GRID2: variants seen among roughly 807,000 people sequenced by gnomAD.
The protein encoded by GRID2 is glutamate receptor ionotropic, delta-2.
In GRID2, 33 loss-of-function variants were observed where a neutral mutation model predicts 114.8. The ratio of observed to expected loss-of-function variants is 0.29; its 90% confidence interval spans 0.22 to 0.38. The LOEUF (loss-of-function observed/expected upper bound fraction) is 0.38, where lower values mean the gene tolerates loss of function less well. Among genes scored for constraint, GRID2 ranks in the 10% least tolerant of loss-of-function variants. GRID2 has a pLI of 1.00. For missense variants in GRID2, 1,184 were observed against 1,257.7 expected (o/e 0.94, Z 0.89); for synonymous variants, 505 against 449.9 (o/e 1.12, Z -1.55).
intron 14 of GRID2, among the ~76,000 whole-genome samples, chr4:93,630,242 C>A (rs1743122184): frequency 6.6e-6 from 1 of 152,102 alleles, no homozygotes; most frequent in Admixed American, 6.6e-5. Flanking sequence ...GTAAGGCTTG[C>A]AGTGAATTCT....
intron 1 of GRID2, among the ~76,000 whole-genome samples, chr4:92,558,707 TTATC>T (rs1424085450): frequency 4.6e-5 from 7 of 152,152 alleles, no homozygotes; most frequent in Admixed American, 4.6e-4. Context: ...ACAGTTAGGG[TTATC>T]TATCTGTGAA....
chr4:92,555,247 C>G (rs1376117), intron 1 of GRID2, among the ~76,000 whole-genome samples: 1 of 151,808 alleles, frequency 6.6e-6, no homozygotes. Context: ...GAGAGTTATC[C>G]GCAGTTAGCA....
At chr4:93,678,131 T>C (rs148606284) in intron 14 of GRID2, among the ~76,000 whole-genome samples, 4,654 of 152,128 alleles carry the variant, frequency 0.031, 112 homozygotes, top group African/African-American at 0.062. Context: ...ATGAAGAATG[T>C]AGAAGCCTCA....
intron 4 of GRID2, among the ~76,000 whole-genome samples, chr4:93,170,547 TC>T (rs1297227745): frequency 6.6e-6 from 1 of 152,208 alleles, no homozygotes; most frequent in East Asian, 1.9e-4. Context: ...ACCAGACAGT[TC>T]CTGCTTCGCC....
At chr4:93,389,188 CAGTG>C (rs1297200612) in intron 8 of GRID2, among the ~76,000 whole-genome samples, 1 of 151,960 alleles carries the variant, frequency 6.6e-6, no homozygotes, top group Non-Finnish European at 1.5e-5. Flanking sequence ...ATAGGAAAGA[CAGTG>C]AGAATTTAAT....
At chr4:93,163,201 A>G (rs1484117680) in intron 4 of GRID2, among the ~76,000 whole-genome samples, 1 of 151,454 alleles carries the variant, frequency 6.6e-6, no homozygotes, top group Non-Finnish European at 1.5e-5. Flanking sequence ...TATACAAATT[A>G]TATGTGTATT....
chr4:92,794,907 C>CAT (rs1739787565), intron 2 of GRID2, among the ~76,000 whole-genome samples: 5 of 63,856 alleles, frequency 7.8e-5, no homozygotes, highest in African/African-American at 3.2e-4. Flanking sequence ...TATATATATA[C>CAT]ACACACACAC....
chr4:93,546,146 A>G (rs978739133), intron 13 of GRID2, among the ~76,000 whole-genome samples: 12 of 152,190 alleles, frequency 7.9e-5, no homozygotes, highest in African/African-American at 2.9e-4. Flanking sequence ...ATGAGAGCTC[A>G]AGGATTACTT....
chr4:93,104,855 T>C (rs1403787294), intron 3 of GRID2, among the ~76,000 whole-genome samples: 1 of 152,108 alleles, frequency 6.6e-6, no homozygotes, highest in Non-Finnish European at 1.5e-5. Flanking sequence ...ATGGTATTTC[T>C]AGTTCTAGAT....
intron 14 of GRID2, among the ~76,000 whole-genome samples, chr4:93,728,940 A>C (rs962516088): frequency 6.6e-6 from 1 of 152,202 alleles, no homozygotes; most frequent in East Asian, 1.9e-4. Flanking sequence ...CTCTTTTTCC[A>C]GTTTGCCAGT....
chr4:93,440,620 T>C (rs1721538431), intron 10 of GRID2, among the ~76,000 whole-genome samples: 1 of 152,144 alleles, frequency 6.6e-6, no homozygotes, highest in Non-Finnish European at 1.5e-5. Flanking sequence ...ATACAACCTG[T>C]TTGTATATAA....
At chr4:93,446,231 G>T (rs1160754057) in intron 10 of GRID2, among the ~76,000 whole-genome samples, 1 of 151,950 alleles carries the variant, frequency 6.6e-6, no homozygotes, top group African/African-American at 2.4e-5. Flanking sequence ...AGGGTTCCTG[G>T]CACAGCAAGA....
At chr4:93,515,605 G>A (rs1002120087) in intron 13 of GRID2, among the ~76,000 whole-genome samples, 194 bp downstream of exon 13, 2 of 152,066 alleles carry the variant, frequency 1.3e-5, no homozygotes, top group Admixed American at 6.6e-5. Context: ...TCTGTAGTGT[G>A]TCTAACAGAT....
At chr4:93,787,836 G>T (rs1391202150) in intron 1 of GRID2, among the ~76,000 whole-genome samples, 3 of 152,152 alleles carry the variant, frequency 2.0e-5, no homozygotes, top group Non-Finnish European at 4.4e-5. Context: ...CTAATTACTG[G>T]CTTAGCTATA....
At chr4:93,384,903 T>G (rs1222888082) in intron 8 of GRID2, among the ~76,000 whole-genome samples, 1 of 152,208 alleles carries the variant, frequency 6.6e-6, no homozygotes, top group Non-Finnish European at 1.5e-5. Flanking sequence ...AACAAAAGAG[T>G]AATTAGAAGA....
At chr4:92,479,150 A>T (rs1307779850) in intron 1 of GRID2, among the ~76,000 whole-genome samples, 2 of 151,928 alleles carry the variant, frequency 1.3e-5, no homozygotes, top group Non-Finnish European at 2.9e-5. Context: ...CAGAAAAAAT[A>T]ATAATGGTGG....
At chr4:92,411,197 A>G (rs1402884132) in intron 1 of GRID2, among the ~76,000 whole-genome samples, 1 of 152,178 alleles carries the variant, frequency 6.6e-6, no homozygotes, top group African/African-American at 2.4e-5. Context: ...CAACCATACC[A>G]GCAGATATTT....
At chr4:92,408,676 T>C (rs943342742) in intron 1 of GRID2, among the ~76,000 whole-genome samples, 1 of 151,868 alleles carries the variant, frequency 6.6e-6, no homozygotes, top group Non-Finnish European at 1.5e-5. Context: ...GTAGTTCTCT[T>C]TGTAGACATT....
intron 13 of GRID2, among the ~76,000 whole-genome samples, chr4:93,558,401 G>A (rs1734549547): frequency 6.6e-6 from 1 of 151,920 alleles, no homozygotes; most frequent in African/African-American, 2.4e-5. Context: ...ATGATAAAGG[G>A]GATATCACCA....
Sources: gnomAD v4.1 joint callset for allele counts (sites outside exome capture counted in the v4.1 genomes callset) on GRCh38, gnomAD v4.1.1 for gene constraint, MANE v1.5 for transcripts, NCBI Gene and HGNC (gene_info 2026-07-23, HGNC 2026-07-21) for gene names.